CNTN6: variants seen among roughly 807,000 people sequenced by gnomAD.
CNTN6 encodes the protein contactin 6.
In CNTN6, 137 loss-of-function variants were observed where a neutral mutation model predicts 122.8. That is an observed-to-expected ratio of 1.12 (90% confidence interval 0.97 to 1.29). CNTN6 has a LOEUF of 1.29. Among genes scored for constraint, CNTN6 ranks in the 50% most tolerant of loss-of-function variants. CNTN6 has a pLI of 0.00. For missense variants in CNTN6, 1,634 were observed against 1,223.4 expected (o/e 1.34, Z -5.01); for synonymous variants, 570 against 426.0 (o/e 1.34, Z -4.16).
chr3:1,321,873 G>A (rs751452865), intron 8 of CNTN6, 39 bp downstream of exon 8: 1 of 1,471,352 alleles, frequency 6.8e-7, no homozygotes, highest in South Asian at 1.3e-5. Context: ...AAAATATTTG[G>A]TAATGCCCTT....
At chr3:1,354,826 A>G (rs1367018273) in intron 12 of CNTN6, among the ~76,000 whole-genome samples, 1 of 151,534 alleles carries the variant, frequency 6.6e-6, no homozygotes, top group Non-Finnish European at 1.5e-5. Context: ...AACATCAAAG[A>G]AAAAAACCAA....
chr3:1,275,353 T>C (rs1044610933), intron 4 of CNTN6, among the ~76,000 whole-genome samples: 2 of 152,208 alleles, frequency 1.3e-5, no homozygotes, highest in East Asian at 3.9e-4. Flanking sequence ...ATTGGCTTTT[T>C]CCCCAAACTC....
intron 1 of CNTN6, among the ~76,000 whole-genome samples, chr3:1,145,858 A>G (rs749778004): frequency 2.6e-5 from 4 of 152,136 alleles, no homozygotes; most frequent in Non-Finnish European, 5.9e-5. Flanking sequence ...AAGACTTTGG[A>G]TGTTTGTGAA....
intron 2 of CNTN6, among the ~76,000 whole-genome samples, chr3:1,163,404 C>T (rs922769395): frequency 5.3e-5 from 8 of 152,130 alleles, no homozygotes; most frequent in Admixed American, 6.6e-5. Context: ...TTGTGCTATG[C>T]CCTCATGTGC....
chr3:1,311,608 G>A (rs1699332038), intron 7 of CNTN6, among the ~76,000 whole-genome samples: 2 of 149,432 alleles, frequency 1.3e-5, no homozygotes, highest in Non-Finnish European at 3.0e-5. Flanking sequence ...GAAAAAGTCA[G>A]ATATACTCAT....
At chr3:1,304,406 T>C in intron 7 of CNTN6, among the ~76,000 whole-genome samples, 1 of 152,214 alleles carries the variant, frequency 6.6e-6, no homozygotes, top group East Asian at 1.9e-4. Flanking sequence ...ATAAGTTGCA[T>C]ATCTGGGATT....
At chr3:1,203,931 C>T (rs1356240158) in intron 2 of CNTN6, among the ~76,000 whole-genome samples, 1 of 152,144 alleles carries the variant, frequency 6.6e-6, no homozygotes, top group Non-Finnish European at 1.5e-5. Context: ...CTGCAGTACT[C>T]AGTACAGTAA....
chr3:1,195,566 CT>C (rs1280816145), intron 2 of CNTN6, among the ~76,000 whole-genome samples: 1 of 152,056 alleles, frequency 6.6e-6, no homozygotes, highest in Non-Finnish European at 1.5e-5. Context: ...TTTTACTTTT[CT>C]TTTCTGGGTC....
chr3:1,303,892 A>T (rs1697872976), intron 7 of CNTN6, among the ~76,000 whole-genome samples: 1 of 152,130 alleles, frequency 6.6e-6, no homozygotes, highest in Non-Finnish European at 1.5e-5. Context: ...GAAATCCCCA[A>T]CTGAATGCTT....
At chr3:1,158,856 A>G (rs1464706982) in intron 2 of CNTN6, among the ~76,000 whole-genome samples, 17 of 117,380 alleles carry the variant, frequency 1.4e-4, no homozygotes, top group Admixed American at 2.5e-4. Context: ...ATACATACAT[A>G]TATATACACA....
intron 1 of CNTN6, among the ~76,000 whole-genome samples, chr3:1,117,801 T>G (rs948077221): frequency 7.2e-5 from 11 of 152,074 alleles, no homozygotes; most frequent in African/African-American, 2.7e-4. Flanking sequence ...AGTAAAAGAG[T>G]AGGTTGATAA....
At chr3:1,257,701 C>A (rs996894958) in intron 4 of CNTN6, among the ~76,000 whole-genome samples, 10 of 152,058 alleles carry the variant, frequency 6.6e-5, no homozygotes, top group Admixed American at 3.9e-4. Context: ...AATAATTTTC[C>A]CTTCACACCC....
Position 1,205,244 on chromosome 3 carries a change from T to G in CNTN6, c.56-15443T>G, listed in dbSNP as rs537538432. On this transcript the variant is annotated intron_variant, in intron 2 of 22. Transcript: ENST00000446702. ...AGGAAATGCAGCCCTGATGACATCT[T>G]GATTTGAGCTCACTGAGACCCATTT... 2.0e-5 allele frequency among the ~76,000 whole-genome samples: 3 copies of G among 152,308 alleles called. No individual in the cohort carries two copies. In the South Asian group the frequency reaches 6.2e-4, roughly 32 times the overall value.
chr3:1,323,543 T>C (rs937621691), intron 8 of CNTN6, among the ~76,000 whole-genome samples: 13 of 151,804 alleles, frequency 8.6e-5, no homozygotes, highest in African/African-American at 3.1e-4. Flanking sequence ...ACCTCAGAGT[T>C]GAATAATAAC....
At chr3:1,387,942 A>T (rs1386493770) in intron 20 of CNTN6, among the ~76,000 whole-genome samples, 1 of 152,086 alleles carries the variant, frequency 6.6e-6, no homozygotes, top group East Asian at 1.9e-4. Context: ...TTGCTAGCAC[A>T]GCAGTCTGAG....
At chr3:1,277,301 T>G (rs1468797618) in intron 4 of CNTN6, among the ~76,000 whole-genome samples, 1 of 150,592 alleles carries the variant, frequency 6.6e-6, no homozygotes, top group Non-Finnish European at 1.5e-5. Flanking sequence ...TATTCACAAA[T>G]AAACCTTCTC....
chr3:1,319,770 A>G (rs1204868464), intron 7 of CNTN6, among the ~76,000 whole-genome samples: 1 of 151,384 alleles, frequency 6.6e-6, no homozygotes, highest in East Asian at 1.9e-4. Context: ...GAAAATTTTT[A>G]TTACACTGGT....
chr3:1,246,663 T>C (rs1006871996), intron 4 of CNTN6, among the ~76,000 whole-genome samples: 4 of 152,194 alleles, frequency 2.6e-5, no homozygotes, highest in Admixed American at 2.0e-4. Flanking sequence ...TGTTTTTTTC[T>C]ATATTCTTGA....
At chr3:1,120,707 G>T (rs1213603545) in intron 1 of CNTN6, among the ~76,000 whole-genome samples, 1 of 151,714 alleles carries the variant, frequency 6.6e-6, no homozygotes, top group African/African-American at 2.4e-5. Context: ...TTATCCCAAG[G>T]TCACAAATAT....
Sources: gnomAD v4.1 joint callset for allele counts (sites outside exome capture counted in the v4.1 genomes callset) on GRCh38, gnomAD v4.1.1 for gene constraint, MANE v1.5 for transcripts, NCBI Gene and HGNC (gene_info 2026-07-23, HGNC 2026-07-21) for gene names.